The following DAAM2 variants were observed in gnomAD, a reference collection of about 807,000 sequenced individuals.
The protein encoded by DAAM2 is disheveled-associated activator of morphogenesis 2.
A neutral mutation model predicts 120.7 loss-of-function variants in DAAM2; 39 were observed. That is an observed-to-expected ratio of 0.32 (90% CI 0.25 to 0.42). The LOEUF (loss-of-function observed/expected upper bound fraction) is 0.42. Among genes scored for constraint, DAAM2 ranks in the 10% least tolerant of loss-of-function variants. The probability of loss-of-function intolerance (pLI) is 1.00; values close to 1 mark genes in which losing one functional copy is unlikely to be tolerated. For synonymous variants in DAAM2, 488 were observed against 524.9 expected (o/e 0.93, Z 0.96); for missense variants, 1,283 against 1,401.7 (o/e 0.92, Z 1.35).
At chr6:39,896,368 A>G (rs1223645335) in intron 19 of DAAM2, among the ~76,000 whole-genome samples, 1 of 151,770 alleles carries the variant, frequency 6.6e-6, no homozygotes, top group African/African-American at 2.4e-5. Context: ...ACACCTGACT[A>G]ATTTTTTGTA....
chr6:39,829,490 T>C (rs1210320622), intron 1 of DAAM2, among the ~76,000 whole-genome samples: 1 of 152,162 alleles, frequency 6.6e-6, no homozygotes, highest in African/African-American at 2.4e-5. Context: ...AAGAGGCTTG[T>C]GTTGGAGGCT....
At chr6:39,885,157 C>T (rs1765319682) in intron 15 of DAAM2, 1 of 152,280 alleles carries the variant, frequency 6.6e-6, no homozygotes, top group Non-Finnish European at 1.5e-5. Context: ...ACTTTCTGCC[C>T]AGCCCTGATC....
At chr6:39,880,543 A>G (rs2504084) in intron 14 of DAAM2, among the ~76,000 whole-genome samples, 104,498 of 152,056 alleles carry the variant, frequency 0.69, 36,978 homozygotes, top group African/African-American at 0.86. Flanking sequence ...ATTAGGAAGC[A>G]TGTTCAAAGA....
chr6:39,879,682 A>C, intron 14 of DAAM2: 1 of 662,856 alleles, frequency 1.5e-6, no homozygotes, highest in Non-Finnish European at 2.7e-6. Flanking sequence ...GATGCTTGAC[A>C]TTGGGCAATG....
rs150676991 is a variant in DAAM2 at position 39,879,377 on chromosome 6, C to A, written c.1745C>A (p.Pro582His). ...TGCCTCGGCATGGGCCTGCCCCTCCCTCAGGACCCCTACCCCAGCAGTGAC... is the reference window on the plus strand; with the variant it reads ...TGCCTCGGCATGGGCCTGCCCCTCCATCAGGACCCCTACCCCAGCAGTGAC... Reference protein sequence around the residue: ...PPCLGMGLPLPQDPYPSSDVP... With the variant: ...PPCLGMGLPLHQDPYPSSDVP... The change falls in exon 14 of 25, where the codon CCT becomes CAT. Residue 582 changes from proline (P) to histidine (H), a missense_variant. Physicochemically the swap from Pro to His is moderately conservative, Grantham distance 77 (BLOSUM62 -2). Around this residue, in one of 3 missense-constraint regions of DAAM2, gnomAD observed 748 missense variants for 768.6 expected, o/e 0.97. Transcript: ENST00000274867. The A allele has an allele frequency of 1.6e-3, 2,601 of 1,613,670 alleles. 4 individuals carry two copies. The highest frequency in any genetic ancestry group is 0.01 in the Middle Eastern group (63 of 6,062).
chr6:39,796,114 G>A (rs1327561207), intron 1 of DAAM2, among the ~76,000 whole-genome samples: 1 of 152,276 alleles, frequency 6.6e-6, no homozygotes, highest in Middle Eastern at 3.4e-3. Flanking sequence ...TATGGGGTGG[G>A]AGGCTGCCCC....
intron 1 of DAAM2, among the ~76,000 whole-genome samples, chr6:39,851,973 G>T (rs951607874): frequency 6.6e-6 from 1 of 152,198 alleles, no homozygotes; most frequent in Non-Finnish European, 1.5e-5. Context: ...CTGGAGCCAC[G>T]AGAAGCGTTG....
In DAAM2 at chr6:39,816,379, A is replaced by G. The variant is rs144968043; in HGVS notation, c.-57+23914A>G. Among the ~76,000 whole-genome samples, 607 of 152,312 alleles carry G rather than the reference A, an allele frequency of 4.0e-3. 3 individuals are homozygous for G. Among genetic ancestry groups the G allele is most frequent in the African/African-American group, 0.014 (563 of 41,560 alleles). On this transcript the variant is annotated intron_variant, in intron 1 of 24. Transcript: ENST00000274867. Reference sequence around the variant, plus strand: ...GATTTGATCACAGCCACAGGTTCTCAATCTTGATACTAGGCCACATAATTC... The same window carrying G: ...GATTTGATCACAGCCACAGGTTCTCGATCTTGATACTAGGCCACATAATTC...
intron 1 of DAAM2, among the ~76,000 whole-genome samples, chr6:39,830,185 G>A (rs1400329110): frequency 6.6e-6 from 1 of 152,178 alleles, no homozygotes; most frequent in Admixed American, 6.5e-5. Flanking sequence ...GATGCCCATG[G>A]GGCAATGCTG....
intron 1 of DAAM2, chr6:39,822,085 G>A (rs377106823): frequency 6.6e-6 from 1 of 152,506 alleles, no homozygotes; most frequent in South Asian, 2.1e-4. Flanking sequence ...ACGCTGCCTG[G>A]GGGGAGGCCC....
chr6:39,803,375 A>G (rs1761923332), intron 1 of DAAM2, among the ~76,000 whole-genome samples: 1 of 152,238 alleles, frequency 6.6e-6, no homozygotes, highest in Admixed American at 6.5e-5. Context: ...AGACGTTCAC[A>G]GCTCCCAGGC....
chr6:39,818,247 G>A (rs143480630), intron 1 of DAAM2, among the ~76,000 whole-genome samples: 113 of 148,512 alleles, frequency 7.6e-4, no homozygotes, highest in African/African-American at 2.8e-3. Context: ...CCAAATACCT[G>A]GTCCCATGGC....
rs761116581 is a variant in DAAM2, at chr6:39,897,242, C to G, written c.2578C>G (p.Pro860Ala). Reference protein sequence around the residue: ...EKHFPDILNMPSELQHLPEAA... With the variant: ...EKHFPDILNMASELQHLPEAA... ...GCATTTTCCTGATATTCTAAACATGCCTTCAGAGCTGCAACATCTTCCAGA... is the reference window on the plus strand; with the variant it reads ...GCATTTTCCTGATATTCTAAACATGGCTTCAGAGCTGCAACATCTTCCAGA... The change falls in exon 21 of 25, where the codon CCT (proline) becomes GCT (alanine). Residue 860 changes from proline to alanine, a missense_variant. This residue lies in a region of DAAM2 where 748 missense variants were observed against 768.6 expected (regional missense o/e 0.97). Coordinates refer to ENST00000274867, the MANE Select transcript of DAAM2 (RefSeq NM_001201427.2). 8.7e-6 allele frequency: 14 copies of G among 1,613,264 alleles called. No homozygotes were observed. The highest frequency in any genetic ancestry group is 6.6e-5 in the South Asian group (6 of 91,078).
At chr6:39,835,778 C>T (rs1269251156) in intron 1 of DAAM2, among the ~76,000 whole-genome samples, 2 of 152,144 alleles carry the variant, frequency 1.3e-5, no homozygotes, top group Admixed American at 6.5e-5. Context: ...TGGTGCCCCT[C>T]TTGGTGCCTA....
In DAAM2 at chr6:39,901,884, G is replaced by A. The variant is rs774747435; in HGVS notation, c.3054G>A (p.Glu1018=). 7 of 1,598,632 alleles carry A rather than the reference G, an allele frequency of 4.4e-6. No homozygotes were observed. The part of the protein sequence containing the change: ...RKVLAAGSSL[E]EGGEFDDLVS... ...TCCTGGCTGCAGGCAGCTCGCTGGA[G>A]GAGGGAGGAGAGTTCGATGACCTGG... The change falls in exon 25 of 25, where the codon GAG becomes GAA. Residue 1018 remains glutamate, a synonymous_variant. Coordinates refer to ENST00000274867, the MANE Select transcript of DAAM2 (RefSeq NM_001201427.2). The surrounding 1 kb of genome is among the most constrained non-coding windows in gnomAD (Gnocchi z 4.5).
chr6:39,879,300 A>AC lies in DAAM2; in HGVS notation c.1670dup (p.Pro558ThrfsTer33). 5 of 569,390 alleles carry AC rather than the reference A, an allele frequency of 8.8e-6. No individual in the cohort carries two copies. The highest frequency in any genetic ancestry group is 2.6e-5 in the South Asian group (1 of 39,210). 35.3% of individuals were successfully genotyped at this position (569,390 alleles called of 1,614,324 possible). On this transcript the variant is annotated frameshift_variant, in exon 14 of 25. Transcript: ENST00000274867. LOFTEE classifies it high-confidence loss of function. ...CCTTTGCCTGTTGTCCCCCTCCCCC[A>AC]CCACCACCCCTTCCTCCCGGGGGAC...
intron 1 of DAAM2, among the ~76,000 whole-genome samples, chr6:39,815,190 G>T (rs1476290838): frequency 6.6e-6 from 1 of 152,236 alleles, no homozygotes; most frequent in Non-Finnish European, 1.5e-5. Flanking sequence ...GCACACTGAA[G>T]CCTGGGAACT....
intron 1 of DAAM2, among the ~76,000 whole-genome samples, chr6:39,831,840 G>T: frequency 9.8e-6 from 1 of 102,304 alleles, no homozygotes; most frequent in African/African-American, 3.9e-5. Context: ...CTGGGGGGTA[G>T]GTGCACTGGG....
At chr6:39,900,873 C>A (rs1248544707) in intron 23 of DAAM2, among the ~76,000 whole-genome samples, 1 of 152,194 alleles carries the variant, frequency 6.6e-6, no homozygotes, top group Non-Finnish European at 1.5e-5. Context: ...ACCAACTCAT[C>A]TAACCCCCCA....
Sources: gnomAD v4.1 joint callset for allele counts (sites outside exome capture counted in the v4.1 genomes callset) on GRCh38, gnomAD v4.1.1 for gene constraint, gnomAD v4.1.1 regional missense constraint, Gnocchi (gnomAD v3.1) non-coding constraint, MANE v1.5 for transcripts, NCBI Gene and HGNC (gene_info 2026-07-23, HGNC 2026-07-21) for gene names.